The following IVD variants were observed in gnomAD, a reference collection of about 807,000 sequenced individuals.
IVD encodes the protein isovaleryl-CoA dehydrogenase, also known as isovaleryl-CoA dehydrogenase, mitochondrial.
Under a neutral mutation model 51.3 loss-of-function variants are expected in IVD, and 31 were observed. The observed-to-expected ratio is 0.60, with a 90% confidence interval of 0.45 to 0.81. The LOEUF (loss-of-function observed/expected upper bound fraction) is 0.81. IVD is among the 40% of genes least tolerant of loss of function. The pLI, the probability that IVD is intolerant of heterozygous loss-of-function variation, is 0.00. For synonymous variants in IVD, 205 were observed against 219.4 expected, an observed-to-expected ratio of 0.93 and a Z score of 0.58; for missense variants, 475 against 552.0, an observed-to-expected ratio of 0.86 and a Z score of 1.40.
chr15:40,433,331 T>G (rs952909427), intron 7 of IVD, among the ~76,000 whole-genome samples: 3 of 152,188 alleles, frequency 2.0e-5, no homozygotes, highest in Admixed American at 6.5e-5. Flanking sequence ...GAGGGTTAAA[T>G]AAAGAAACGT....
chr15:40,408,344 C>T (rs1890688621), intron 3 of IVD, among the ~76,000 whole-genome samples: 1 of 152,232 alleles, frequency 6.6e-6, no homozygotes, highest in African/African-American at 2.4e-5. Flanking sequence ...GTCTTACTGC[C>T]TCCCCTAATC....
At chr15:40,410,229 G>T (rs1399168872) in intron 3 of IVD, among the ~76,000 whole-genome samples, 2 of 152,166 alleles carry the variant, frequency 1.3e-5, no homozygotes, top group Non-Finnish European at 2.9e-5. Flanking sequence ...CTTTGTATCT[G>T]TTCTTGGTGC....
intron 8 of IVD, chr15:40,434,006 A>T: frequency 4.5e-6 from 2 of 439,758 alleles, no homozygotes; most frequent in Non-Finnish European, 9.2e-6. Context: ...CACGATACCC[A>T]TCCATGTCTC....
rs777674066 is a variant in IVD, at chr15:40,410,641, C to T, written c.300C>T (p.Gly100=). 6.2e-7 allele frequency: 1 copy of T among 1,614,216 alleles called. No homozygotes were observed. The highest frequency in any genetic ancestry group is 1.7e-5 in the Admixed American group (1 of 60,026). ...CACCACTCACAGTTCAGTATGGCGG[C>T]TCCGGCCTGGGCTACCTGGAGCATG... ...LGITAPVQYG[G]SGLGYLEHVL... is the part of the protein sequence containing the mutation. The change falls in exon 4 of 12, where the codon GGC becomes GGT. Residue 100 remains glycine (G), a synonymous_variant. Transcript: ENST00000487418.
intron 1 of IVD, chr15:40,406,392 A>C (rs1273733815): frequency 2.4e-6 from 3 of 1,252,552 alleles, no homozygotes; most frequent in African/African-American, 3.1e-5. Flanking sequence ...ATCACCAGGG[A>C]GTCTTTTTTG....
At chr15:40,435,774 A>C (rs1595838376), downstream of IVD, 1 of 927,148 alleles carries the variant, frequency 1.1e-6, no homozygotes, top group Non-Finnish European at 1.3e-6. Context: ...TCTTTCCCCT[A>C]CCTATGGCAG....
intron 7 of IVD, among the ~76,000 whole-genome samples, chr15:40,431,737 C>A (rs1483029979): frequency 6.6e-6 from 1 of 151,844 alleles, no homozygotes; most frequent in Non-Finnish European, 1.5e-5. Flanking sequence ...TAACACAGTG[C>A]CTAACTCATG....
At chr15:40,408,443 T>C (rs1890698970) in intron 3 of IVD, among the ~76,000 whole-genome samples, 1 of 152,160 alleles carries the variant, frequency 6.6e-6, no homozygotes. Flanking sequence ...CCTCTTCTGC[T>C]TAAACCTTGG....
At chr15:40,409,590 C>CT in intron 3 of IVD, among the ~76,000 whole-genome samples, 2 of 152,248 alleles carry the variant, frequency 1.3e-5, no homozygotes, top group Middle Eastern at 3.4e-3. Context: ...ACGAGCCTGA[C>CT]TTATTGGTCA....
At chr15:40,410,826 A>C (rs1436612514) in intron 4 of IVD, 29 bp downstream of exon 4, 53 of 1,612,124 alleles carry the variant, frequency 3.3e-5, no homozygotes, top group African/African-American at 5.3e-5. Flanking sequence ...AATACACGCT[A>C]ATCTCACAGT....
downstream of IVD, chr15:40,424,489 G>T: frequency 3.7e-6 from 1 of 266,694 alleles, no homozygotes; most frequent in Non-Finnish European, 7.3e-6. Flanking sequence ...TCATTCCTCT[G>T]TCTCCATCTC....
In IVD at chr15:40,407,710, G is replaced by A. The variant is rs748950739; in HGVS notation, c.219G>A (p.Glu73=). The A allele has an allele frequency of 1.4e-5, 23 of 1,614,198 alleles. No individual in the cohort carries two copies. The South Asian group carries it at 2.1e-4, about 15-fold the overall frequency. The part of the protein sequence containing the change: ...PKAQEIDRSN[E]FKNLREFWKQ... ...CCCAGGAGATCGATCGCAGCAATGA[G>A]TTCAAGAACCTGCGAGTGAGTTGGG... The change falls in exon 2 of 12, where the codon GAG becomes GAA. Residue 73 remains glutamate, a synonymous_variant. Coordinates refer to ENST00000487418, the MANE Select transcript of IVD (RefSeq NM_002225.5).
intron 6 of IVD, 96 bp from the exon 7 acceptor site, chr15:40,412,895 A>G: frequency 2.2e-6 from 2 of 919,860 alleles, no homozygotes; most frequent in East Asian, 2.4e-5. Context: ...CAGGGACTCA[A>G]TAGGAAGGTG....
In IVD at chr15:40,415,543, G is replaced by C. The variant is rs755470515; in HGVS notation, c.960+61G>C. On this transcript the variant is annotated intron_variant, in intron 9 of 11. Coordinates refer to ENST00000487418, the MANE Select transcript of IVD (RefSeq NM_002225.5). ...ACTGGGCTAAAGTTTTCTTTGAAAAGAGAGGAAGTGAGGTGGGCACCGTGG... is the reference window on the plus strand; with the variant it reads ...ACTGGGCTAAAGTTTTCTTTGAAAACAGAGGAAGTGAGGTGGGCACCGTGG... 7.5e-5 allele frequency: 107 copies of C among 1,435,232 alleles called. 1 individual carries two copies. In the Middle Eastern group the frequency reaches 2.9e-3, roughly 40 times the overall value. The allele number at this position is 1,435,232 out of a possible 1,614,324, so 88.9% of individuals were successfully genotyped here.
At position 40,435,440 on chromosome 15, in the gene IVD, C is replaced by T. The variant is rs190891572; in HGVS notation, c.805C>T (p.Pro269Ser). 79 of 1,232,924 alleles carry T rather than the reference C, an allele frequency of 6.4e-5. 1 individual carries two copies. The East Asian group carries it at 3.1e-3, about 49-fold the overall frequency. 76.4% of individuals were successfully genotyped at this position (1,232,924 alleles called of 1,614,324 possible). ...AGGGCAGACCTTTTCCGCCCAACAC[C>T]CACCTGGGAGGGAGGGCGAGACCCG... Residue 269 changes from proline to serine, a missense_variant, in exon 9 of 9, where the codon CCA becomes TCA. Physicochemically the swap from Pro to Ser is moderately conservative, Grantham distance 74. Transcript: ENST00000473112.
Position 40,415,679 on chromosome 15 carries a change from G to A in IVD, c.960+197G>A, listed in dbSNP as rs988793749. Reference sequence around the variant, plus strand: ...AGGAAGTTCACCACATTGCCACCTCGATTCCTGTGTGAGGTGGATGAACTA... The same window carrying A: ...AGGAAGTTCACCACATTGCCACCTCAATTCCTGTGTGAGGTGGATGAACTA... On this transcript the variant is annotated intron_variant, in intron 9 of 11. Coordinates refer to ENST00000487418, the MANE Select transcript of IVD (RefSeq NM_002225.5). Among the ~76,000 whole-genome samples, 123 of 152,224 alleles carry A rather than the reference G, an allele frequency of 8.1e-4. 6 individuals carry two copies. Among genetic ancestry groups the A allele is most frequent in the South Asian group, 4.1e-4 (2 of 4,828 alleles).
In IVD at chr15:40,407,743, G is replaced by A. The variant is rs1199013429; in HGVS notation, c.234+18G>A. On this transcript the variant is annotated intron_variant, in intron 2 of 11. Transcript: ENST00000487418. Reference sequence around the variant, plus strand: ...ACCTGCGAGTGAGTTGGGAGGTCCGGGCAGTCGGGGGCAGTCAGGGAGTGG... The same window carrying A: ...ACCTGCGAGTGAGTTGGGAGGTCCGAGCAGTCGGGGGCAGTCAGGGAGTGG... The A allele has an allele frequency of 6.3e-7, 1 of 1,598,916 alleles. No individual in the cohort carries two copies. The highest frequency in any genetic ancestry group is 1.3e-5 in the African/African-American group (1 of 74,742).
At chr15:40,422,251 G>T (rs1892359777), downstream of IVD, among the ~76,000 whole-genome samples, 1 of 152,180 alleles carries the variant, frequency 6.6e-6, no homozygotes, top group Non-Finnish European at 1.5e-5. Context: ...AGAGGGGTTG[G>T]GGGAAGCCTA....
intron 7 of IVD, among the ~76,000 whole-genome samples, chr15:40,431,405 G>C (rs1892967379): frequency 6.6e-6 from 1 of 152,020 alleles, no homozygotes; most frequent in South Asian, 2.1e-4. Flanking sequence ...GGGATTAAGA[G>C]TATGTGTAGG....
Sources: allele counts gnomAD v4.1 joint callset (sites outside exome capture counted in the v4.1 genomes callset), GRCh38; gene constraint gnomAD v4.1.1; transcripts MANE v1.5; gene names NCBI Gene and HGNC (gene_info 2026-07-23, HGNC 2026-07-21).